The following WDR45B variants were observed in gnomAD, a reference collection of about 807,000 sequenced individuals.
The protein encoded by WDR45B is WD repeat domain 45B.
A neutral mutation model predicts 44.6 loss-of-function variants in WDR45B; 20 were observed. The observed-to-expected ratio is 0.45, with a 90% CI of 0.32 to 0.65. WDR45B has a LOEUF of 0.65. WDR45B is among the 30% of genes least tolerant of loss of function. The pLI is 0.05. For synonymous variants in WDR45B, 169 were observed against 164.9 expected, an observed-to-expected ratio of 1.02 and a Z score of -0.19; for missense variants, 323 against 430.2, an observed-to-expected ratio of 0.75 and a Z score of 2.20.
chr17:82,640,771 T>G (rs1481584551), intron 2 of WDR45B, among the ~76,000 whole-genome samples: 1 of 152,164 alleles, frequency 6.6e-6, no homozygotes, highest in East Asian at 1.9e-4. Context: ...AGGGCCTATC[T>G]ACTCACATAA....
chr17:82,621,285 C>T lies in WDR45B; in HGVS notation c.618+324G>A, dbSNP rs115110619. 5.8e-3 allele frequency among the ~76,000 whole-genome samples: 890 copies of T among 152,278 alleles called. 16 individuals are homozygous for T. The highest frequency in any genetic ancestry group is 0.021 in the African/African-American group (862 of 41,566). ...GCCAGGCTGGTTTCGAACATCTGAC[C>T]TCAAGTGATCCGCCTGCCTTGGCCT... On this transcript the variant is annotated intron_variant, in intron 6 of 9. Coordinates refer to ENST00000392325, the MANE Select transcript of WDR45B (RefSeq NM_019613.4).
At chr17:82,641,377 C>T (rs2143372442) in intron 2 of WDR45B, among the ~76,000 whole-genome samples, 1 of 152,292 alleles carries the variant, frequency 6.6e-6, no homozygotes. Flanking sequence ...TACAGGTTTT[C>T]ACCCACGGTT....
At chr17:82,620,299 C>T (rs1455215188) in intron 6 of WDR45B, among the ~76,000 whole-genome samples, 2 of 152,036 alleles carry the variant, frequency 1.3e-5, no homozygotes, top group South Asian at 2.1e-4. Flanking sequence ...CCAGGCATGG[C>T]GGTGGGTGCC....
intron 6 of WDR45B, among the ~76,000 whole-genome samples, chr17:82,619,591 C>T (rs1017487450): frequency 1.1e-4 from 16 of 152,084 alleles, no homozygotes; most frequent in African/African-American, 3.6e-4. Context: ...GACTTAAACC[C>T]ATCCATGTCA....
At chr17:82,622,869 A>C (rs2045637785) in intron 5 of WDR45B, among the ~76,000 whole-genome samples, 1 of 152,198 alleles carries the variant, frequency 6.6e-6, no homozygotes, top group Non-Finnish European at 1.5e-5. Context: ...TCCAGAAAAA[A>C]AACCTTGTAT....
At chr17:82,638,101 G>A (rs1274844652) in intron 2 of WDR45B, among the ~76,000 whole-genome samples, 5 of 147,932 alleles carry the variant, frequency 3.4e-5, no homozygotes, top group Non-Finnish European at 7.4e-5. Context: ...CACGAGAATC[G>A]CTTGAACCCA....
intron 5 of WDR45B, among the ~76,000 whole-genome samples, chr17:82,624,452 A>G (rs1427833117): frequency 3.3e-5 from 5 of 151,890 alleles, no homozygotes; most frequent in East Asian, 1.9e-4. Flanking sequence ...AGTAGAGATG[A>G]GGTTTCACCA....
intron 1 of WDR45B, among the ~76,000 whole-genome samples, chr17:82,646,488 C>CAAA (rs779661551): frequency 1.8e-3 from 35 of 19,914 alleles, no homozygotes; most frequent in African/African-American, 4.7e-3. Context: ...AACTCCGTCT[C>CAAA]AAAAAAAAAA....
intron 3 of WDR45B, 42 bp downstream of exon 3, chr17:82,630,879 G>A (rs1371791316): frequency 6.4e-7 from 1 of 1,555,406 alleles, no homozygotes; most frequent in East Asian, 2.2e-5. Context: ...AAGACTGGGT[G>A]GGACACGTGA....
chr17:82,625,309 G>T, intron 5 of WDR45B, 80 bp downstream of exon 5: 2 of 1,406,152 alleles, frequency 1.4e-6, no homozygotes, highest in Non-Finnish European at 2.0e-6. Context: ...TCAGAGACCT[G>T]CTTGGAGAAG....
At position 82,616,824 on chromosome 17, in the gene WDR45B, AT is replaced by A. The variant is rs571981426; in HGVS notation, c.807-180del. Among the ~76,000 whole-genome samples, 26 of 149,692 alleles carry A rather than the reference AT, an allele frequency of 1.7e-4. No homozygotes were observed. The East Asian group carries it at 2.3e-3, about 14-fold the overall frequency. Reference sequence around the variant, plus strand: ...TTGTACAATTTTATTTAAAAAAAAAATTTTTTTTTTTGAGACGGAGTCTCGC... The same window carrying A: ...TTGTACAATTTTATTTAAAAAAAAAATTTTTTTTTTGAGACGGAGTCTCGC... On this transcript the variant is annotated intron_variant, in intron 8 of 9. Coordinates refer to ENST00000392325, the MANE Select transcript of WDR45B (RefSeq NM_019613.4).
At chr17:82,631,055 C>T (rs780842351) in intron 2 of WDR45B, 33 bp from the exon 3 acceptor site, 2 of 1,569,698 alleles carry the variant, frequency 1.3e-6, no homozygotes, top group South Asian at 1.1e-5. Context: ...ACCAATGTTA[C>T]AAGTTAATAT....
In WDR45B at chr17:82,647,197, C is replaced by A. The variant is rs959340669; in HGVS notation, c.67+1077G>T. Among the ~76,000 whole-genome samples, 3 of 119,654 alleles carry A rather than the reference C, an allele frequency of 2.5e-5. No individual in the cohort carries two copies. The East Asian group carries it at 7.1e-4, about 28-fold the overall frequency. 78.5% of individuals were successfully genotyped at this position (119,654 alleles called of 152,430 possible). Reference sequence around the variant, plus strand: ...TGAGTCGAGATCGCACCAGGCTGGGCGACAGAATGAGACTCCGTCTCAAAA... The same window carrying A: ...TGAGTCGAGATCGCACCAGGCTGGGAGACAGAATGAGACTCCGTCTCAAAA... On this transcript the variant is annotated intron_variant, in intron 1 of 9. Transcript: ENST00000392325.
chr17:82,648,114 AGGGCCG>A (rs1306343205), intron 1 of WDR45B, among the ~76,000 whole-genome samples, 154 bp downstream of exon 1: 8 of 149,558 alleles, frequency 5.3e-5, no homozygotes, highest in African/African-American at 1.2e-4. Flanking sequence ...AGCAGCGGCG[AGGGCCG>A]GGGCCGGGGG....
Position 82,648,296 on chromosome 17 carries a change from G to A in WDR45B, c.45C>T (p.Tyr15=), listed in dbSNP as rs1277699137. Residue 15 remains tyrosine, a synonymous_variant, in exon 1 of 10, where the codon TAC becomes TAT. Transcript: ENST00000392325. ...PCNPHGNGLL[Y]AGFNQDHGCF... ...CACCGTGGTCCTGGTTGAAGCCGGC[G>A]TAGAGCAGCCCGTTGCCGTGAGGGT... The A allele has an allele frequency of 9.3e-6, 15 of 1,606,894 alleles. No individual in the cohort carries two copies. Among genetic ancestry groups the A allele is most frequent in the African/African-American group, 2.7e-5 (2 of 74,260 alleles).
At chr17:82,643,065 C>T (rs992201262) in intron 2 of WDR45B, among the ~76,000 whole-genome samples, 1 of 152,212 alleles carries the variant, frequency 6.6e-6, no homozygotes, top group Non-Finnish European at 1.5e-5. Flanking sequence ...CATTAATCTG[C>T]GTGTCTTACG....
intron 2 of WDR45B, among the ~76,000 whole-genome samples, chr17:82,639,670 C>T (rs951238483): frequency 6.6e-6 from 1 of 150,690 alleles, no homozygotes; most frequent in Non-Finnish European, 1.5e-5. Flanking sequence ...GTGTGTGTGT[C>T]GGGTCTGGCG....
rs948697564 is a variant in WDR45B at position 82,616,654 on chromosome 17, A to G, written c.807-9T>C. 5 of 1,614,042 alleles carry G rather than the reference A, an allele frequency of 3.1e-6. No individual in the cohort carries two copies. In the African/African-American group the frequency reaches 6.7e-5, roughly 22 times the overall value. ...AACTGGCTGAGGCCAAACTGTGAAG[A>G]CAAGAAAAGAAAGGGTGGTTCAAAG... On this transcript the variant is annotated splice_polypyrimidine_tract_variant and intron_variant, in intron 8 of 9. Coordinates refer to ENST00000392325, the MANE Select transcript of WDR45B (RefSeq NM_019613.4).
chr17:82,616,173 C>A, intron 9 of WDR45B, 148 bp from the exon 10 acceptor site: 2 of 817,728 alleles, frequency 2.4e-6, no homozygotes, highest in South Asian at 1.5e-5. Flanking sequence ...CCACTGAATG[C>A]GTTCGGTCGG....
Sources: gnomAD v4.1 joint callset for allele counts (sites outside exome capture counted in the v4.1 genomes callset) on GRCh38, gnomAD v4.1.1 for gene constraint, MANE v1.5 for transcripts, NCBI Gene and HGNC (gene_info 2026-07-23, HGNC 2026-07-21) for gene names.